Variants in ZNF365 observed in about 807,000 individuals in gnomAD.
ZNF365 encodes the protein protein ZNF365.
Under a neutral mutation model 35.0 loss-of-function variants are expected in ZNF365, and 22 were observed. The observed-to-expected ratio is 0.63, with a 90% CI of 0.45 to 0.90. The LOEUF is 0.90. ZNF365 is among the 40% of genes least tolerant of loss of function. The pLI is 0.00. For missense variants in ZNF365, 448 were observed against 500.3 expected (o/e 0.90, Z 1.00); for synonymous variants, 188 against 196.2 (o/e 0.96, Z 0.35).
intron 3 of ZNF365, among the ~76,000 whole-genome samples, chr10:62,415,004 A>T (rs1193320124): frequency 1.3e-5 from 2 of 152,078 alleles, no homozygotes; most frequent in East Asian, 3.9e-4. Flanking sequence ...TTACATTTTT[A>T]AAATCTAAAA....
At chr10:62,377,951 T>G (rs1283661135) in intron 2 of ZNF365, among the ~76,000 whole-genome samples, 1 of 152,242 alleles carries the variant, frequency 6.6e-6, no homozygotes, top group Admixed American at 6.5e-5. Flanking sequence ...AATGTAATAA[T>G]TAGAACTTCC....
chr10:62,474,769 GT>G (rs1841100442), intron 4 of ZNF365, among the ~76,000 whole-genome samples: 2 of 152,080 alleles, frequency 1.3e-5, no homozygotes, highest in Admixed American at 1.3e-4. Flanking sequence ...AAAACTAAAC[GT>G]TTTCTCCCAA....
chr10:62,390,887 A>C (rs1372238793), intron 3 of ZNF365, among the ~76,000 whole-genome samples: 1 of 152,216 alleles, frequency 6.6e-6, no homozygotes, highest in African/African-American at 2.4e-5. Flanking sequence ...TAAAAATATG[A>C]TATTTAAAAA....
chr10:62,459,785 C>T (rs1446655993), exon 4 of ZNF365: 1 of 1,610,688 alleles, frequency 6.2e-7, no homozygotes, highest in Non-Finnish European at 8.5e-7. Context: ...GCCAAAATGA[C>T]CTGGAATTGG....
At chr10:62,459,272 C>G (rs1840809029) in intron 3 of ZNF365, among the ~76,000 whole-genome samples, 1 of 152,178 alleles carries the variant, frequency 6.6e-6, no homozygotes, top group South Asian at 2.1e-4. Context: ...TTTCCATCTT[C>G]TTTGTTTCTT....
chr10:62,411,390 C>G (rs192048476), intron 3 of ZNF365, among the ~76,000 whole-genome samples: 2 of 152,152 alleles, frequency 1.3e-5, no homozygotes, highest in East Asian at 3.9e-4. Context: ...AGATTTTCTC[C>G]TAGGGTTTTT....
At chr10:62,375,848 T>A (rs1234414819) in intron 1 of ZNF365, 1 of 228,770 alleles carries the variant, frequency 4.4e-6, no homozygotes, top group Non-Finnish European at 8.6e-6. Flanking sequence ...GTTACCCACC[T>A]TTTTGATTCT....
At chr10:62,428,493 A>C (rs374112862) in intron 3 of ZNF365, among the ~76,000 whole-genome samples, 4 of 152,324 alleles carry the variant, frequency 2.6e-5, no homozygotes, top group African/African-American at 7.2e-5. Context: ...CATGTGAAGA[A>C]GGATGTGTTT....
At chr10:62,446,239 G>A (rs1840586116) in intron 3 of ZNF365, among the ~76,000 whole-genome samples, 1 of 152,090 alleles carries the variant, frequency 6.6e-6, no homozygotes, top group Admixed American at 6.6e-5. Context: ...GTGATCTTGG[G>A]AAGACAATTC....
chr10:62,448,955 G>A (rs778103273), intron 3 of ZNF365, among the ~76,000 whole-genome samples: 1 of 152,144 alleles, frequency 6.6e-6, no homozygotes, highest in Non-Finnish European at 1.5e-5. Context: ...TCCAGTTTTT[G>A]TGGCTTTAGC....
chr10:62,386,402 T>C (rs1473631012), intron 2 of ZNF365, among the ~76,000 whole-genome samples: 1 of 152,222 alleles, frequency 6.6e-6, no homozygotes, highest in Non-Finnish European at 1.5e-5. Context: ...TGTGGATATT[T>C]CTTAGCTACT....
intron 3 of ZNF365, among the ~76,000 whole-genome samples, chr10:62,410,555 C>T (rs1309062302): frequency 1.3e-5 from 2 of 152,028 alleles, no homozygotes; most frequent in African/African-American, 4.8e-5. Context: ...TGTGTAGTTC[C>T]CCACCCTATG....
chr10:62,396,337 C>T (rs1839727303), intron 3 of ZNF365, among the ~76,000 whole-genome samples: 2 of 152,316 alleles, frequency 1.3e-5, no homozygotes, highest in South Asian at 4.1e-4. Context: ...CCAGCCCGAA[C>T]ACTGGTAAAG....
At chr10:62,478,849 C>G (rs977523887) in intron 4 of ZNF365, among the ~76,000 whole-genome samples, 1 of 152,212 alleles carries the variant, frequency 6.6e-6, no homozygotes, top group Non-Finnish European at 1.5e-5. Context: ...GCTGGGCTTA[C>G]AAGGGTGAGC....
chr10:62,437,345 T>C (rs11596514), intron 3 of ZNF365, among the ~76,000 whole-genome samples: 4,603 of 152,334 alleles, frequency 0.03, 118 homozygotes, highest in Non-Finnish European at 0.049. Flanking sequence ...AGTTGATCTA[T>C]ATCAAGCTTT....
chr10:62,459,938 T>C, intron 4 of ZNF365: 1 of 699,520 alleles, frequency 1.4e-6, no homozygotes, highest in Non-Finnish European at 2.4e-6. Flanking sequence ...ATTCTCCTTC[T>C]CCCAAGTCAT....
intron 3 of ZNF365, among the ~76,000 whole-genome samples, chr10:62,444,562 C>A (rs1840553505): frequency 6.6e-6 from 1 of 152,086 alleles, no homozygotes; most frequent in Non-Finnish European, 1.5e-5. Context: ...GCATCAACCA[C>A]CCTAACTTTT....
intron 3 of ZNF365, among the ~76,000 whole-genome samples, chr10:62,438,411 C>T (rs1840441864): frequency 6.6e-6 from 1 of 152,052 alleles, no homozygotes. Context: ...TGGTCTCAAA[C>T]TCCTGGCCTC....
intron 3 of ZNF365, among the ~76,000 whole-genome samples, chr10:62,409,584 G>C (rs1436772810): frequency 2.0e-5 from 3 of 152,020 alleles, no homozygotes; most frequent in African/African-American, 4.8e-5. Context: ...GGCACAAAAG[G>C]GTTTTTTTGT....
Sources: allele counts gnomAD v4.1 joint callset (sites outside exome capture counted in the v4.1 genomes callset), GRCh38; gene constraint gnomAD v4.1.1; transcripts MANE v1.5; gene names NCBI Gene and HGNC (gene_info 2026-07-23, HGNC 2026-07-21).